The following UTP18 variants were observed in gnomAD, a reference collection of about 807,000 sequenced individuals.
The protein encoded by UTP18 is UTP18 small subunit processome component.
UTP18 carries 36 observed loss-of-function variants against 61.1 expected under a neutral mutation model. The observed-to-expected ratio is 0.59, with a 90% CI of 0.45 to 0.78. UTP18 has a LOEUF of 0.78. Among genes scored for constraint, UTP18 ranks in the 30% least tolerant of loss-of-function variants. The probability of loss-of-function intolerance (pLI) is 0.00; values close to 1 mark genes in which losing one functional copy is unlikely to be tolerated. For missense variants in UTP18, 753 were observed against 693.9 expected (o/e 1.09, Z -0.96); for synonymous variants, 282 against 251.1 (o/e 1.12, Z -1.16).
chr17:51,279,957 T>C, intron 7 of UTP18, 48 bp from the exon 8 acceptor site: 1 of 1,417,876 alleles, frequency 7.1e-7, no homozygotes, highest in Non-Finnish European at 9.7e-7. Context: ...GATAGTTTTA[T>C]TGAAAACTAT....
intron 4 of UTP18, among the ~76,000 whole-genome samples, chr17:51,271,020 G>T (rs1440081006): frequency 2.6e-5 from 4 of 152,066 alleles, no homozygotes; most frequent in African/African-American, 7.2e-5. Context: ...TATTTACTGA[G>T]TTTCGTTATA....
At chr17:51,293,726 TAAAA>T (rs1312695136) in intron 11 of UTP18, among the ~76,000 whole-genome samples, 173 bp from the exon 12 acceptor site, 1 of 152,046 alleles carries the variant, frequency 6.6e-6, no homozygotes, top group Non-Finnish European at 1.5e-5. Flanking sequence ...AATAAAGTAA[TAAAA>T]AAAGATCAAA....
In UTP18 at chr17:51,272,743, C is replaced by T. The variant is rs546767038; in HGVS notation, c.623-619C>T. On this transcript the variant is annotated intron_variant, in intron 4 of 13. Coordinates refer to ENST00000225298, the MANE Select transcript of UTP18 (RefSeq NM_016001.3). ...AATCCTAGTGGTAGCCCTTTGTGGC[C>T]GCAATCCAAAATCTGGTGGCTTACC... 3.7e-4 allele frequency among the ~76,000 whole-genome samples: 57 copies of T among 152,112 alleles called. 1 individual carries two copies. In the South Asian group the frequency reaches 9.4e-3, roughly 25 times the overall value.
intron 11 of UTP18, among the ~76,000 whole-genome samples, chr17:51,289,024 A>C (rs952998595): frequency 1.3e-5 from 2 of 152,158 alleles, no homozygotes; most frequent in Non-Finnish European, 2.9e-5. Flanking sequence ...CTAGATTCCC[A>C]GAAGAAAAGC....
At chr17:51,293,765 A>C (rs1380512275) in intron 11 of UTP18, 138 bp from the exon 12 acceptor site, 1 of 607,742 alleles carries the variant, frequency 1.6e-6, no homozygotes, top group South Asian at 4.6e-5. Flanking sequence ...ACTTTGCTGC[A>C]CTAATAGACT....
At chr17:51,271,406 A>C (rs1359785964) in intron 4 of UTP18, among the ~76,000 whole-genome samples, 1 of 151,972 alleles carries the variant, frequency 6.6e-6, no homozygotes, top group Non-Finnish European at 1.5e-5. Flanking sequence ...TCCTGGGTTC[A>C]AGCAATCCTC....
Position 51,266,264 on chromosome 17 carries a change from A to G in UTP18, c.538A>G (p.Lys180Glu). ...TAAACTTTCGAAAGACAACCTTAAA[A>G]AGAGACTTAAAGAAGAGTAAGTGTC... ...ESKLSKDNLK[K>E]RLKEEFQHAM... The change falls in exon 3 of 14, where the codon AAG becomes GAG. Residue 180 changes from lysine to glutamate, a missense_variant. Coordinates refer to ENST00000225298, the MANE Select transcript of UTP18 (RefSeq NM_016001.3). 1 of 1,596,426 alleles carries G rather than the reference A, an allele frequency of 6.3e-7. No homozygotes were observed. Among genetic ancestry groups the G allele is most frequent in the Non-Finnish European group, 8.5e-7 (1 of 1,174,356 alleles).
At chr17:51,285,893 C>T (rs775592075) in intron 10 of UTP18, among the ~76,000 whole-genome samples, 6 of 152,174 alleles carry the variant, frequency 3.9e-5, no homozygotes, top group Admixed American at 1.3e-4. Context: ...AGTTGAACAC[C>T]TTTTTAGCAA....
At chr17:51,266,126 G>A (rs892680892) in intron 2 of UTP18, 56 bp from the exon 3 acceptor site, 1 of 1,331,348 alleles carries the variant, frequency 7.5e-7, no homozygotes, top group Non-Finnish European at 1.0e-6. Context: ...AAAAGCAGCA[G>A]CTATTTATAT....
In UTP18 at chr17:51,282,487, G is replaced by C. The variant is rs1904966666; in HGVS notation, c.1204+2008G>C. Among the ~76,000 whole-genome samples, 4 of 141,844 alleles carry C rather than the reference G, an allele frequency of 2.8e-5. No homozygotes were observed. In the South Asian group the frequency reaches 9.5e-4, roughly 34 times the overall value. 93.1% of individuals were successfully genotyped at this position (141,844 alleles called of 152,430 possible). On this transcript the variant is annotated intron_variant, in intron 9 of 13. Coordinates refer to ENST00000225298, the MANE Select transcript of UTP18 (RefSeq NM_016001.3). ...ATGAAGAGAAAGAGGAAGGAAGGGA[G>C]GGAGGGAAGGAAGGAAAGATGGAAG...
In UTP18 at chr17:51,273,459, CAG is replaced by C; in HGVS notation, c.711+10_711+11del. 1 of 1,602,872 alleles carries C rather than the reference CAG, an allele frequency of 6.2e-7. No individual in the cohort carries two copies. The highest frequency in any genetic ancestry group is 8.5e-7 in the Non-Finnish European group (1 of 1,173,904). ...CAAGAGGAATCTTGAAGGTGAGAGT[CAG>C]TGAAGTTGGGGGATCCTATCTAACT... On this transcript the variant is annotated intron_variant, in intron 5 of 13. Coordinates refer to ENST00000225298, the MANE Select transcript of UTP18 (RefSeq NM_016001.3).
intron 4 of UTP18, among the ~76,000 whole-genome samples, chr17:51,270,676 G>A (rs1177332153): frequency 6.6e-6 from 1 of 152,178 alleles, no homozygotes; most frequent in Non-Finnish European, 1.5e-5. Flanking sequence ...TTGGCTTATA[G>A]GAGGAGAAAG....
intron 1 of UTP18, among the ~76,000 whole-genome samples, chr17:51,262,075 T>G (rs1178946316): frequency 6.6e-6 from 1 of 152,028 alleles, no homozygotes; most frequent in Non-Finnish European, 1.5e-5. Flanking sequence ...AGGGATATTC[T>G]GTGGTCTAGG....
intron 4 of UTP18, among the ~76,000 whole-genome samples, chr17:51,272,998 A>G (rs1051461845): frequency 4.6e-5 from 7 of 152,216 alleles, no homozygotes; most frequent in African/African-American, 1.7e-4. Flanking sequence ...TCAGTAGCCA[A>G]CCTGTTGCCA....
At chr17:51,287,014 C>T (rs1243601687) in intron 10 of UTP18, among the ~76,000 whole-genome samples, 1 of 122,692 alleles carries the variant, frequency 8.2e-6, no homozygotes. Context: ...ATGTGATGTT[C>T]CCCTTCCTGT....
At chr17:51,281,724 G>A (rs182751651) in intron 9 of UTP18, among the ~76,000 whole-genome samples, 1 of 152,146 alleles carries the variant, frequency 6.6e-6, no homozygotes, top group Non-Finnish European at 1.5e-5. Flanking sequence ...TTAACATTGG[G>A]GGGGAACTGG....
At chr17:51,264,048 T>A (rs2055535168) in intron 2 of UTP18, among the ~76,000 whole-genome samples, 1 of 151,846 alleles carries the variant, frequency 6.6e-6, no homozygotes, top group Non-Finnish European at 1.5e-5. Flanking sequence ...TTTTAATTAT[T>A]TTTTTTGAAA....
At chr17:51,289,483 A>G (rs1401242212) in intron 11 of UTP18, among the ~76,000 whole-genome samples, 1 of 151,670 alleles carries the variant, frequency 6.6e-6, no homozygotes, top group Non-Finnish European at 1.5e-5. Context: ...CTGGGATTAC[A>G]GGAGTGAGCC....
chr17:51,260,809 G>A lies in UTP18; in HGVS notation c.225G>A (p.Arg75=), dbSNP rs1328903216. 1 of 1,587,580 alleles carries A rather than the reference G, an allele frequency of 6.3e-7. No homozygotes were observed. Among genetic ancestry groups the A allele is most frequent in the Non-Finnish European group, 8.6e-7 (1 of 1,168,340 alleles). Residue 75 remains arginine, a synonymous_variant, in exon 1 of 14, where the codon CGG becomes CGA. Transcript: ENST00000225298. ...AAEEERRLRQ[R]NRLRLEEDKP... Reference sequence around the variant, plus strand: ...AGGAAGAGAGACGGCTCCGGCAGCGGAACCGCCTGAGGCTGGAGGAGGACA... The same window carrying A: ...AGGAAGAGAGACGGCTCCGGCAGCGAAACCGCCTGAGGCTGGAGGAGGACA...
Sources: allele counts gnomAD v4.1 joint callset (sites outside exome capture counted in the v4.1 genomes callset), GRCh38; gene constraint gnomAD v4.1.1; transcripts MANE v1.5; gene names NCBI Gene and HGNC (gene_info 2026-07-23, HGNC 2026-07-21).